DDX10: variants seen among roughly 807,000 people sequenced by gnomAD.
DDX10 encodes probable ATP-dependent RNA helicase DDX10.
In DDX10, 74 loss-of-function variants were observed where a neutral mutation model predicts 104.3. The ratio of observed to expected loss-of-function variants is 0.71; its 90% CI spans 0.59 to 0.86. DDX10 has a LOEUF of 0.86. Ranked by LOEUF, DDX10 falls within the 40% of genes least tolerant of loss-of-function variation. The probability of loss-of-function intolerance (pLI) is 0.00; values close to 1 mark genes in which losing one functional copy is unlikely to be tolerated. For missense variants in DDX10, 952 were observed against 1,040.0 expected (o/e 0.92, Z 1.16); for synonymous variants, 351 against 353.4 (o/e 0.99, Z 0.08).
chr11:108,784,691 T>A lies in DDX10; in HGVS notation c.1966-53755T>A, dbSNP rs373175477. 2.0e-5 allele frequency among the ~76,000 whole-genome samples: 3 copies of A among 152,312 alleles called. No homozygotes were observed. In the South Asian group the frequency reaches 6.2e-4, roughly 32 times the overall value. On this transcript the variant is annotated intron_variant, in intron 13 of 17. Transcript: ENST00000322536. Reference sequence around the variant, plus strand: ...CTTTTGGTGTGCAGAAGCTCTTTCGTTTAATTAGGTCCCGTTTATCAATTT... The same window carrying A: ...CTTTTGGTGTGCAGAAGCTCTTTCGATTAATTAGGTCCCGTTTATCAATTT...
At chr11:108,766,782 C>T (rs2094356892) in intron 13 of DDX10, among the ~76,000 whole-genome samples, 3 of 152,106 alleles carry the variant, frequency 2.0e-5, no homozygotes, top group Admixed American at 1.3e-4. Context: ...ATAGTTAACA[C>T]GCCTTGAGTA....
chr11:108,772,154 G>A (rs1187367075), intron 13 of DDX10, among the ~76,000 whole-genome samples: 1 of 152,176 alleles, frequency 6.6e-6, no homozygotes. Context: ...TTGTCACGTG[G>A]TCACACAAAA....
intron 13 of DDX10, among the ~76,000 whole-genome samples, chr11:108,827,263 G>T (rs1026960362): frequency 1.3e-5 from 2 of 152,132 alleles, no homozygotes; most frequent in Non-Finnish European, 2.9e-5. Context: ...AATAAAAATT[G>T]TCTTAACTCT....
intron 13 of DDX10, among the ~76,000 whole-genome samples, chr11:108,727,532 C>G (rs566771285): frequency 8.5e-5 from 13 of 152,180 alleles, no homozygotes; most frequent in African/African-American, 2.9e-4. Flanking sequence ...TTTGTTTACT[C>G]AAGTAAAAAT....
intron 13 of DDX10, among the ~76,000 whole-genome samples, chr11:108,792,913 G>C: frequency 6.6e-6 from 1 of 152,062 alleles, no homozygotes; most frequent in East Asian, 1.9e-4. Context: ...GTGCTTATTA[G>C]TTGTTTTCAT....
In DDX10 at chr11:108,779,793, C is replaced by T. The variant is rs183971287; in HGVS notation, c.1965+56331C>T. 6.0e-4 allele frequency among the ~76,000 whole-genome samples: 92 copies of T among 152,184 alleles called. 1 individual carries two copies. In the East Asian group the frequency reaches 0.014, roughly 24 times the overall value. ...TAGCTGTTGGGTTGTTTCTGAATTT[C>T]GCTGCAAAAAAGTTGCAGAGAGATC... On this transcript the variant is annotated intron_variant, in intron 13 of 17. Transcript: ENST00000322536.
intron 9 of DDX10, among the ~76,000 whole-genome samples, chr11:108,704,528 G>C (rs960513775): frequency 6.6e-6 from 1 of 152,156 alleles, no homozygotes; most frequent in Non-Finnish European, 1.5e-5. Flanking sequence ...GGTGGAGTGT[G>C]AGAGCTTCAG....
At position 108,776,528 on chromosome 11, in the gene DDX10, T is replaced by C. The variant is rs373918495; in HGVS notation, c.1965+53066T>C. 3.9e-5 allele frequency among the ~76,000 whole-genome samples: 6 copies of C among 152,238 alleles called. No homozygotes were observed. The East Asian group carries it at 1.2e-3, about 29-fold the overall frequency. ...TCAGGGAAAAAGTGGGTACAGTACA[T>C]AGAATTCCAAGAACGGCCCCTCGAG... On this transcript the variant is annotated intron_variant, in intron 13 of 17. Transcript: ENST00000322536.
intron 13 of DDX10, among the ~76,000 whole-genome samples, chr11:108,786,032 A>G (rs1423317647): frequency 6.6e-6 from 1 of 152,074 alleles, no homozygotes; most frequent in Non-Finnish European, 1.5e-5. Flanking sequence ...AAAGATTTTT[A>G]TAAGTTGTGT....
chr11:108,736,175 C>CT (rs2094318135), intron 13 of DDX10, among the ~76,000 whole-genome samples: 3 of 137,514 alleles, frequency 2.2e-5, no homozygotes, highest in Non-Finnish European at 4.7e-5. Context: ...TTTTTTTAAC[C>CT]TTTTTGCTTC....
chr11:108,827,333 C>T (rs916512347), intron 13 of DDX10, among the ~76,000 whole-genome samples: 2 of 152,150 alleles, frequency 1.3e-5, no homozygotes, highest in Non-Finnish European at 2.9e-5. Flanking sequence ...TACAATAGGG[C>T]TTACTATAAT....
chr11:108,849,974 C>T (rs1862769659), intron 15 of DDX10, among the ~76,000 whole-genome samples: 1 of 152,006 alleles, frequency 6.6e-6, no homozygotes, highest in South Asian at 2.1e-4. Flanking sequence ...AATCTACTTC[C>T]AGTTCTTTCG....
chr11:108,935,541 A>G (rs1158914896), intron 17 of DDX10, among the ~76,000 whole-genome samples: 1 of 152,230 alleles, frequency 6.6e-6, no homozygotes, highest in East Asian at 1.9e-4. Context: ...GGTTTTATAA[A>G]TGATATTTCA....
At chr11:108,797,264 C>T (rs1861956078) in intron 13 of DDX10, among the ~76,000 whole-genome samples, 1 of 152,200 alleles carries the variant, frequency 6.6e-6, no homozygotes, top group African/African-American at 2.4e-5. Flanking sequence ...CATCTCTTGA[C>T]CTCATGATCC....
intron 13 of DDX10, among the ~76,000 whole-genome samples, chr11:108,804,181 T>C (rs1862065142): frequency 6.6e-6 from 1 of 152,092 alleles, no homozygotes; most frequent in Non-Finnish European, 1.5e-5. Context: ...CCAAGTCAAC[T>C]TACTGGTAAC....
chr11:108,679,499 C>G lies in DDX10; in HGVS notation c.787C>G (p.Leu263Val). 1.9e-6 allele frequency: 3 copies of G among 1,613,354 alleles called. No individual in the cohort carries two copies. The highest frequency in any genetic ancestry group is 2.5e-6 in the Non-Finnish European group (3 of 1,179,852). Residue 263 changes from leucine (L) to valine (V), a missense_variant, in exon 6 of 18, where the codon CTT becomes GTT. Coordinates refer to ENST00000322536, the MANE Select transcript of DDX10 (RefSeq NM_004398.4). ...AACACAAACTAAATCTGTAAAGGAC[C>G]TTGCACGCTTGAGTTTGAAAAACCC... Reference protein sequence around the residue: ...SATQTKSVKDLARLSLKNPEY... With the variant: ...SATQTKSVKDVARLSLKNPEY...
chr11:108,749,179 C>T (rs1372445752), intron 13 of DDX10, among the ~76,000 whole-genome samples: 2 of 151,958 alleles, frequency 1.3e-5, no homozygotes, highest in African/African-American at 2.4e-5. Flanking sequence ...GGATTACAGG[C>T]GTGAATCATC....
At chr11:108,911,904 C>T (rs1863685619) in intron 16 of DDX10, among the ~76,000 whole-genome samples, 1 of 152,022 alleles carries the variant, frequency 6.6e-6, no homozygotes, top group African/African-American at 2.4e-5. Context: ...ACATTCAGAC[C>T]GTAGCATGTT....
chr11:108,927,928 C>T (rs1024162611), intron 17 of DDX10, among the ~76,000 whole-genome samples: 4 of 152,154 alleles, frequency 2.6e-5, no homozygotes, highest in Non-Finnish European at 4.4e-5. Flanking sequence ...CGTGAGCCAC[C>T]GTGCCCAGCT....
Sources: gnomAD v4.1 joint callset for allele counts (sites outside exome capture counted in the v4.1 genomes callset) on GRCh38, gnomAD v4.1.1 for gene constraint, MANE v1.5 for transcripts, NCBI Gene and HGNC (gene_info 2026-07-23, HGNC 2026-07-21) for gene names.